RHCG: variants seen among roughly 807,000 people sequenced by gnomAD.
The protein encoded by RHCG is Rh family C glycoprotein, also known as ammonium transporter Rh type C.
Under a neutral mutation model 55.3 loss-of-function variants are expected in RHCG, and 39 were observed. That is an observed-to-expected ratio of 0.70 (90% CI 0.55 to 0.92). RHCG has a LOEUF of 0.92. Among genes scored for constraint, RHCG ranks in the 40% least tolerant of loss-of-function variants. The pLI is 0.00. For synonymous variants in RHCG, 250 were observed against 246.8 expected, an observed-to-expected ratio of 1.01 and a Z score of -0.12; for missense variants, 635 against 627.9, an observed-to-expected ratio of 1.01 and a Z score of -0.12.
chr15:89,490,217 C>A (rs73468572), intron 1 of RHCG, among the ~76,000 whole-genome samples: 14,894 of 152,288 alleles, frequency 0.098, 2,402 homozygotes, highest in African/African-American at 0.34. Flanking sequence ...GCTGCCTGCA[C>A]CTTGCCTGCC....
At chr15:89,484,868 A>AC (rs1961331115) in intron 2 of RHCG, among the ~76,000 whole-genome samples, 1 of 151,996 alleles carries the variant, frequency 6.6e-6, no homozygotes, top group African/African-American at 2.4e-5. Flanking sequence ...TCCAGATGCC[A>AC]CATCTCAGGA....
intron 4 of RHCG, chr15:89,479,856 TGA>T (rs1961232559): frequency 2.7e-6 from 1 of 374,682 alleles, no homozygotes; most frequent in African/African-American, 2.1e-5. Flanking sequence ...GGCTGGGTTT[TGA>T]GAGACCAGAA....
chr15:89,487,080 T>G, intron 1 of RHCG, 95 bp from the exon 2 acceptor site: 4 of 1,166,366 alleles, frequency 3.4e-6, no homozygotes, highest in Non-Finnish European at 4.6e-6. Context: ...CCCCTCAGTC[T>G]TCCCCGCCAC....
intron 9 of RHCG, among the ~76,000 whole-genome samples, chr15:89,474,868 G>T (rs1405803713): frequency 2.1e-4 from 15 of 72,808 alleles, no homozygotes; most frequent in Middle Eastern, 9.4e-3. Flanking sequence ...CTTCCTTCCT[G>T]CCTGCCTTCC....
At chr15:89,495,246 C>G (rs1204733039) in intron 1 of RHCG, among the ~76,000 whole-genome samples, 1 of 152,176 alleles carries the variant, frequency 6.6e-6, no homozygotes. Context: ...CTGCAGCCCC[C>G]CAAACGCAGT....
chr15:89,477,014 C>T lies in RHCG; in HGVS notation c.1237+68G>A. ...CTCAGGCTGACCTGTGCCGCATGCCCTTTGCTTCTCCACCCAGGGAGCCCC... is the reference window on the plus strand; with the variant it reads ...CTCAGGCTGACCTGTGCCGCATGCCTTTTGCTTCTCCACCCAGGGAGCCCC... On this transcript the variant is annotated intron_variant, in intron 8 of 10. Coordinates refer to ENST00000268122, the MANE Select transcript of RHCG (RefSeq NM_016321.3). The surrounding 1 kb of genome is among the most constrained non-coding windows in gnomAD (Gnocchi z 4.5). 6.2e-7 allele frequency: 1 copy of T among 1,607,586 alleles called. No individual in the cohort carries two copies. The highest frequency in any genetic ancestry group is 8.5e-7 in the Non-Finnish European group (1 of 1,175,514).
intron 2 of RHCG, 103 bp downstream of exon 2, chr15:89,486,696 A>C (rs1052761495): frequency 8.0e-6 from 10 of 1,252,526 alleles, no homozygotes; most frequent in African/African-American, 1.5e-5. Flanking sequence ...CTCCAGCCTC[A>C]AGCCCGGGTC....
Position 89,492,055 on chromosome 15 carries a change from T to C in RHCG, c.184+4306A>G, listed in dbSNP as rs1382004852. On this transcript the variant is annotated intron_variant, in intron 1 of 10. Transcript: ENST00000268122. ...CTCTTTCAAGACTGACAAGGTTGCA[T>C]TGGGTTGGCAACTTGCTGAGGGTCA... 2.3e-5 allele frequency among the ~76,000 whole-genome samples: 3 copies of C among 127,938 alleles called. No individual in the cohort carries two copies. In the East Asian group the frequency reaches 7.1e-4, roughly 30 times the overall value. The allele number at this position is 127,938 out of a possible 152,430, so 83.9% of individuals were successfully genotyped here. A position where few individuals can be genotyped will look rare whatever the true frequency, so the allele number is the denominator to read the frequency against.
At chr15:89,487,582 C>G (rs1371300826) in intron 1 of RHCG, among the ~76,000 whole-genome samples, 1 of 152,168 alleles carries the variant, frequency 6.6e-6, no homozygotes, top group African/African-American at 2.4e-5. Flanking sequence ...TCCCCATATC[C>G]CACCACTGAC....
rs1227685687 is a variant in RHCG, at chr15:89,471,590, G to T, written c.*290C>A. The T allele has an allele frequency of 6.6e-6, 1 of 152,580 alleles. No homozygotes were observed. The highest frequency in any genetic ancestry group is 1.5e-5 in the Non-Finnish European group (1 of 68,116). The allele number at this position is 152,580 out of a possible 1,614,324, so 9.5% of individuals were successfully genotyped here. On this transcript the variant is annotated 3_prime_UTR_variant, in exon 11 of 11. Transcript: ENST00000268122. The stretch of plus-strand genomic sequence containing the variant: ...GGGAGAGCTCAGGTTCACCCACCAG[G>T]TCCCAGCCCCACTTTGAGCCTGTTT...
rs867754561 is a variant in RHCG, at chr15:89,477,829, G to A, written c.975+8C>T. On this transcript the variant is annotated splice_region_variant and intron_variant, in intron 6 of 10. Coordinates refer to ENST00000268122, the MANE Select transcript of RHCG (RefSeq NM_016321.3). This position sits in a 1 kb window ranked among gnomAD's most constrained non-coding sequence, Gnocchi z 4.5. Reference sequence around the variant, plus strand: ...TCTAGCCCCCAGCCCCTTGCCTGGGGCACTTACGGTCAGGTATACAAAACC... The same window carrying A: ...TCTAGCCCCCAGCCCCTTGCCTGGGACACTTACGGTCAGGTATACAAAACC... 3 of 1,614,022 alleles carry A rather than the reference G, an allele frequency of 1.9e-6. No homozygotes were observed. Among genetic ancestry groups the A allele is most frequent in the Non-Finnish European group, 2.5e-6 (3 of 1,179,996 alleles).
In RHCG at chr15:89,479,445, G is replaced by A. The variant is rs1339858277; in HGVS notation, c.714C>T (p.Ala238=). ...GCTGGCTGTCCCCATGGTAGGATAT[G>A]GCTGAGTTGAAGCTGGGCCAGTACA... is the stretch of plus-strand genomic sequence containing the variant. ...LWMYWPSFNS[A]ISYHGDSQHR... is the part of the protein sequence containing the mutation. The change falls in exon 5 of 11, where the codon GCC becomes GCT. Residue 238 remains alanine, a synonymous_variant. Coordinates refer to ENST00000268122, the MANE Select transcript of RHCG (RefSeq NM_016321.3). The A allele has an allele frequency of 6.2e-7, 1 of 1,613,908 alleles. No individual in the cohort carries two copies. Among genetic ancestry groups the A allele is most frequent in the East Asian group, 2.2e-5 (1 of 44,882 alleles).
Position 89,477,958 on chromosome 15 carries a change from G to A in RHCG, c.854C>T (p.Ala285Val). 1.2e-6 allele frequency: 2 copies of A among 1,608,692 alleles called. No homozygotes were observed. Among genetic ancestry groups the A allele is most frequent in the Non-Finnish European group, 1.7e-6 (2 of 1,176,266 alleles). ...GKLDMVHIQNATLAGGVAVGT... is the reference protein window; with the variant it reads ...GKLDMVHIQNVTLAGGVAVGT... ...CACGGCCACCCCTCCTGCGAGCGTG[G>A]CATTCTGGATGTGCACCTGGGCAGG... Residue 285 changes from alanine (A) to valine (V), a missense_variant, in exon 6 of 11, where the codon GCC becomes GTC. By Grantham distance (64) the Ala-to-Val change is moderately conservative. Coordinates refer to ENST00000268122, the MANE Select transcript of RHCG (RefSeq NM_016321.3). The surrounding 1 kb of genome is among the most constrained non-coding windows in gnomAD (Gnocchi z 4.5).
At chr15:89,473,307 G>C (rs1156263923) in intron 9 of RHCG, among the ~76,000 whole-genome samples, 3 of 152,176 alleles carry the variant, frequency 2.0e-5, no homozygotes, top group African/African-American at 7.2e-5. Flanking sequence ...AAATGGGGTG[G>C]GGAAGGTGCA....
chr15:89,479,285 G>A (rs769262331), intron 5 of RHCG, 37 bp downstream of exon 5: 2 of 1,589,648 alleles, frequency 1.3e-6, no homozygotes, highest in Non-Finnish European at 1.7e-6. Flanking sequence ...CCAGGCCCAG[G>A]CAGTCAGAGC....
chr15:89,477,117 G>A lies in RHCG; in HGVS notation c.1202C>T (p.Thr401Ile), dbSNP rs1439352216. 1 of 1,614,034 alleles carries A rather than the reference G, an allele frequency of 6.2e-7. No homozygotes were observed. The highest frequency in any genetic ancestry group is 1.7e-5 in the Admixed American group (1 of 60,014). ...GKFQIYGLLV[T>I]LAMALMGGII... ...GCCACCCATCAGGGCCATGGCCAGGGTCACCAAGAGACCATAAATCTGGAA... is the reference window on the plus strand; with the variant it reads ...GCCACCCATCAGGGCCATGGCCAGGATCACCAAGAGACCATAAATCTGGAA... Residue 401 changes from threonine (T) to isoleucine (I), a missense_variant, in exon 8 of 11, where the codon ACC (threonine) becomes ATC (isoleucine). Transcript: ENST00000268122. The surrounding 1 kb of genome is among the most constrained non-coding windows in gnomAD (Gnocchi z 4.5).
intron 9 of RHCG, 90 bp downstream of exon 9, chr15:89,476,664 TG>T (rs2141888612): frequency 1.8e-6 from 2 of 1,084,358 alleles, no homozygotes; most frequent in South Asian, 1.3e-5. Flanking sequence ...CCCCGGCATC[TG>T]GGTCCCCAGG....
Position 89,480,393 on chromosome 15 carries a change from C to CTGGGGTGCT in RHCG, c.537_538insAGCACCCCA (p.Gly179_Gly180insSerThrPro). 6.2e-7 allele frequency: 1 copy of CTGGGGTGCT among 1,613,442 alleles called. No individual in the cohort carries two copies. The highest frequency in any genetic ancestry group is 1.1e-5 in the South Asian group (1 of 91,020). ...CCAAATGTGTGGATGGTCATGGAGCCTCCTGCATCCTTCACCTGGGGTGCA... is the reference window on the plus strand; with the variant it reads ...CCAAATGTGTGGATGGTCATGGAGCCTGGGGTGCTTCCTGCATCCTTCACCTGGGGTGCA... On this transcript the variant is annotated inframe_insertion, in exon 4 of 11. Transcript: ENST00000268122.
At chr15:89,487,094 C>T (rs1252742351) in intron 1 of RHCG, 109 bp from the exon 2 acceptor site, 4 of 1,007,066 alleles carry the variant, frequency 4.0e-6, no homozygotes, top group Non-Finnish European at 5.6e-6. Flanking sequence ...CCGCCACTGG[C>T]GCGTCTCCCT....
Sources: allele counts gnomAD v4.1 joint callset (sites outside exome capture counted in the v4.1 genomes callset), GRCh38; gene constraint gnomAD v4.1.1; non-coding constraint Gnocchi (gnomAD v3.1); transcripts MANE v1.5; gene names NCBI Gene and HGNC (gene_info 2026-07-23, HGNC 2026-07-21).